ARRB2: variants seen among roughly 807,000 people sequenced by gnomAD.
The protein encoded by ARRB2 is beta-arrestin-2.
In ARRB2, 21 loss-of-function variants were observed where a neutral mutation model predicts 53.4. The ratio of observed to expected loss-of-function variants is 0.39; its 90% CI spans 0.28 to 0.57. The LOEUF (loss-of-function observed/expected upper bound fraction) is 0.57, where lower values mean the gene tolerates loss of function less well. Ranked by LOEUF, ARRB2 falls within the 20% of genes least tolerant of loss-of-function variation. The pLI, the probability that ARRB2 is intolerant of heterozygous loss-of-function variation, is 0.55. For synonymous variants in ARRB2, 180 were observed against 212.9 expected, an observed-to-expected ratio of 0.85 and a Z score of 1.34; for missense variants, 369 against 527.5, an observed-to-expected ratio of 0.70 and a Z score of 2.94.
At chr17:4,720,871 G>A (rs955483093) in intron 14 of ARRB2, 75 bp from the exon 15 acceptor site, 82 of 1,469,884 alleles carry the variant, frequency 5.6e-5, no homozygotes, top group Admixed American at 6.9e-5. Flanking sequence ...GCCTAGCTTC[G>A]GGGAGGGCAG....
In ARRB2 at chr17:4,716,052, G is replaced by C. The variant is rs780199178; in HGVS notation, c.115+19G>C. The C allele has an allele frequency of 6.2e-7, 1 of 1,614,176 alleles. No individual in the cohort carries two copies. Among genetic ancestry groups the C allele is most frequent in the Non-Finnish European group, 8.5e-7 (1 of 1,180,032 alleles). ...CCTGTAGGTAAGTTTTCCCAGAAAG[G>C]GACAGCTCGTTCCCCAAGAGGGGAA... On this transcript the variant is annotated intron_variant, in intron 3 of 14. Coordinates refer to ENST00000269260, the MANE Select transcript of ARRB2 (RefSeq NM_004313.4).
intron 2 of ARRB2, 22 bp downstream of exon 2, chr17:4,715,065 C>T: frequency 1.9e-6 from 3 of 1,602,898 alleles, no homozygotes; most frequent in Non-Finnish European, 2.6e-6. Flanking sequence ...CAGCACTTAC[C>T]CTTTTGACCC....
intron 11 of ARRB2, 75 bp downstream of exon 11, chr17:4,719,495 C>T: frequency 6.4e-7 from 1 of 1,560,604 alleles, no homozygotes; most frequent in African/African-American, 1.4e-5. Flanking sequence ...CCTAGTGTGC[C>T]AGGGATGTAT....
At chr17:4,715,726 A>ACACACACACAC in intron 2 of ARRB2, 1 of 251,844 alleles carries the variant, frequency 4.0e-6, no homozygotes, top group Non-Finnish European at 7.4e-6. Context: ...CACACACACA[A>ACACACACACAC]ACACACACAC....
At position 4,721,196 on chromosome 17, in the gene ARRB2, C is replaced by G. The variant is rs534696369; in HGVS notation, c.*157C>G. The G allele has an allele frequency of 1.7e-5, 12 of 695,852 alleles. No individual in the cohort carries two copies. Among genetic ancestry groups the G allele is most frequent in the South Asian group, 7.4e-5 (4 of 54,132 alleles). 43.1% of individuals were successfully genotyped at this position (695,852 alleles called of 1,614,324 possible). ...CCTTCACACTCTCTCCCCCATCCCC[C>G]CAAGATACACACTGGACCCTCTCTT... On this transcript the variant is annotated 3_prime_UTR_variant, in exon 15 of 15. Transcript: ENST00000269260. This position sits in a 1 kb window ranked among gnomAD's most constrained non-coding sequence, Gnocchi z 4.2.
At chr17:4,716,385 A>C in intron 4 of ARRB2, 27 bp from the exon 5 acceptor site, 1 of 1,613,878 alleles carries the variant, frequency 6.2e-7, no homozygotes, top group Non-Finnish European at 8.5e-7. Context: ...GGGGCTCCTG[A>C]CCACTCATCT....
At position 4,720,583 on chromosome 17, in the gene ARRB2, C is replaced by A; in HGVS notation, c.1082-3C>A. The A allele has an allele frequency of 6.3e-7, 1 of 1,590,934 alleles. No individual in the cohort carries two copies. On this transcript the variant is annotated splice_region_variant and splice_polypyrimidine_tract_variant and intron_variant, in intron 13 of 14. Transcript: ENST00000269260. ...CCCACACCCCCTCTTCCCGTCCCCC[C>A]AGCCGCTCCGGAGACAGATGTCCCT...
chr17:4,718,393 A>C (rs1915298132), intron 9 of ARRB2, 48 bp downstream of exon 9: 1 of 1,563,322 alleles, frequency 6.4e-7, no homozygotes, highest in East Asian at 2.3e-5. Context: ...GCGTTACTGC[A>C]CAGGTGGCTC....
intron 5 of ARRB2, 40 bp downstream of exon 5, chr17:4,716,648 G>A (rs1257099688): frequency 9.1e-6 from 14 of 1,544,696 alleles, no homozygotes; most frequent in Non-Finnish European, 1.2e-5. Flanking sequence ...GGGGGCTGGG[G>A]CTGGGACTGT....
Position 4,711,103 on chromosome 17 carries a change from C to CG in ARRB2, c.23+366dup, listed in dbSNP as rs1030283674. 2.6e-5 allele frequency among the ~76,000 whole-genome samples: 4 copies of CG among 151,692 alleles called. No homozygotes were observed. The East Asian group carries it at 5.8e-4, about 22-fold the overall frequency. Reference sequence around the variant, plus strand: ...TGTACGGGGAGGCTGGATGCCGGGACGGGGGGGATCCACTCCAGACTCGCG... The same window carrying CG: ...TGTACGGGGAGGCTGGATGCCGGGACGGGGGGGGATCCACTCCAGACTCGCG... On this transcript the variant is annotated intron_variant, in intron 1 of 14. Transcript: ENST00000269260.
chr17:4,715,411 G>C, intron 2 of ARRB2: 1 of 319,180 alleles, frequency 3.1e-6, no homozygotes, highest in Non-Finnish European at 5.9e-6. Context: ...AGGGGACCTA[G>C]TGAGGGTGGC....
At chr17:4,719,490 T>C (rs1915470147) in intron 11 of ARRB2, 70 bp downstream of exon 11, 10 of 1,572,980 alleles carry the variant, frequency 6.4e-6, no homozygotes, top group Non-Finnish European at 8.6e-6. Context: ...TCTATCCTAG[T>C]GTGCCAGGGA....
intron 1 of ARRB2, among the ~76,000 whole-genome samples, chr17:4,713,865 G>A (rs1433207147): frequency 6.6e-6 from 1 of 151,354 alleles, no homozygotes; most frequent in Non-Finnish European, 1.5e-5. Context: ...TCAGGAGGCT[G>A]AAGCAGGAGA....
rs1915291724 is a variant in ARRB2 at position 4,718,358 on chromosome 17, G to A, written c.706+13G>A. On this transcript the variant is annotated intron_variant, in intron 9 of 14. Coordinates refer to ENST00000269260, the MANE Select transcript of ARRB2 (RefSeq NM_004313.4). ...ATCAAAGTCTCTGGTAGGAGGTGGG[G>A]TTTGGAAGGGGGTCTTCGGGGAGGG... 6.2e-7 allele frequency: 1 copy of A among 1,605,476 alleles called. No individual in the cohort carries two copies. The highest frequency in any genetic ancestry group is 1.1e-5 in the South Asian group (1 of 89,974).
chr17:4,713,632 A>C (rs1044433512), intron 1 of ARRB2, among the ~76,000 whole-genome samples: 1 of 150,176 alleles, frequency 6.7e-6, no homozygotes, highest in African/African-American at 2.4e-5. Context: ...CTCCGTTTCA[A>C]AAAAAAAATT....
rs550313289 is a variant in ARRB2, at chr17:4,720,986, C to G, written c.1177C>G (p.Arg393Gly). Residue 393 changes from arginine (R) to glycine (G), a missense_variant, in exon 15 of 15, where the codon CGG (arginine) becomes GGG (glycine). Physicochemically the swap from Arg to Gly is moderately radical, Grantham distance 125. Coordinates refer to ENST00000269260, the MANE Select transcript of ARRB2 (RefSeq NM_004313.4). ...TGACATTGTGTTTGAGGACTTTGCCCGGCTTCGGCTGAAGGGGATGAAGGA... is the reference window on the plus strand; with the variant it reads ...TGACATTGTGTTTGAGGACTTTGCCGGGCTTCGGCTGAAGGGGATGAAGGA... ...DDDIVFEDFA[R>G]LRLKGMKDDD... 6.2e-7 allele frequency: 1 copy of G among 1,614,022 alleles called. No homozygotes were observed. Among genetic ancestry groups the G allele is most frequent in the Admixed American group, 1.7e-5 (1 of 59,998 alleles).
chr17:4,710,725 G>T lies in ARRB2; in HGVS notation c.4G>T (p.Gly2Trp). 1 of 399,574 alleles carries T rather than the reference G, an allele frequency of 2.5e-6. No homozygotes were observed. 24.8% of individuals were successfully genotyped at this position (399,574 alleles called of 1,614,324 possible). A position where few individuals can be genotyped will look rare whatever the true frequency, so the allele number is the denominator to read the frequency against. The change falls in exon 1 of 15, where the codon GGG becomes TGG. Residue 2 changes from glycine (G) to tryptophan (W), a missense_variant. Transcript: ENST00000269260. M[G>W]EKPGTRVFKK... is the part of the protein sequence containing the mutation. Reference sequence around the variant, plus strand: ...GCGGGCGGCGGGCGCGCGCACCATGGGGGAGAAACCCGGGACCAGGTAAGG... The same window carrying T: ...GCGGGCGGCGGGCGCGCGCACCATGTGGGAGAAACCCGGGACCAGGTAAGG...
chr17:4,710,908 G>A lies in ARRB2; in HGVS notation c.23+164G>A, dbSNP rs192500755. Among the ~76,000 whole-genome samples, 355 of 152,194 alleles carry A rather than the reference G, an allele frequency of 2.3e-3. 2 individuals are homozygous for A. Among genetic ancestry groups the A allele is most frequent in the Middle Eastern group, 0.014 (4 of 294 alleles). Reference sequence around the variant, plus strand: ...CGCGCAGGTCCTCGAGGATAATGAGGGTGGGGGGGAAATGCCCGGGCCCCT... The same window carrying A: ...CGCGCAGGTCCTCGAGGATAATGAGAGTGGGGGGGAAATGCCCGGGCCCCT... On this transcript the variant is annotated intron_variant, in intron 1 of 14. Coordinates refer to ENST00000269260, the MANE Select transcript of ARRB2 (RefSeq NM_004313.4).
chr17:4,712,018 G>C (rs1309993133), intron 1 of ARRB2, among the ~76,000 whole-genome samples: 1 of 152,230 alleles, frequency 6.6e-6, no homozygotes, highest in African/African-American at 2.4e-5. Flanking sequence ...GGCTGGGTTA[G>C]GATCCAAAGG....
Sources: gnomAD v4.1 joint callset for allele counts (sites outside exome capture counted in the v4.1 genomes callset) on GRCh38, gnomAD v4.1.1 for gene constraint, Gnocchi (gnomAD v3.1) non-coding constraint, MANE v1.5 for transcripts, NCBI Gene and HGNC (gene_info 2026-07-23, HGNC 2026-07-21) for gene names.